The following IFT81 variants were observed in gnomAD, a reference collection of about 807,000 sequenced individuals.
IFT81 encodes intraflagellar transport protein 81 homolog.
Under a neutral mutation model 102.6 loss-of-function variants are expected in IFT81, and 72 were observed. That is an observed-to-expected ratio of 0.70 (90% CI 0.58 to 0.85). IFT81 has a LOEUF of 0.85. Ranked by LOEUF, IFT81 falls within the 40% of genes least tolerant of loss-of-function variation. IFT81 has a pLI of 0.00. For missense variants in IFT81, 723 were observed against 787.3 expected, an observed-to-expected ratio of 0.92 and a Z score of 0.98; for synonymous variants, 237 against 242.7, an observed-to-expected ratio of 0.98 and a Z score of 0.22.
intron 11 of IFT81, among the ~76,000 whole-genome samples, chr12:110,177,316 T>C (rs1020464842): frequency 1.4e-4 from 22 of 152,232 alleles, no homozygotes; most frequent in African/African-American, 5.3e-4. Flanking sequence ...AGAATCTCGC[T>C]CTGTCGCTCA....
chr12:110,173,372 T>C (rs1457745901), intron 11 of IFT81, among the ~76,000 whole-genome samples: 38 of 110,082 alleles, frequency 3.5e-4, no homozygotes, highest in Non-Finnish European at 4.9e-4. Flanking sequence ...GCCAGCCGCC[T>C]CGTCCGGGAG....
intron 14 of IFT81, among the ~76,000 whole-genome samples, chr12:110,202,034 G>A (rs2137578195): frequency 6.6e-6 from 1 of 152,224 alleles, no homozygotes; most frequent in Admixed American, 6.5e-5. Flanking sequence ...ACATAAACCA[G>A]TAACATAGTA....
At chr12:110,159,472 G>C (rs1011912165) in intron 10 of IFT81, among the ~76,000 whole-genome samples, 12 of 152,110 alleles carry the variant, frequency 7.9e-5, no homozygotes, top group African/African-American at 2.9e-4. Flanking sequence ...AAAAATCTCA[G>C]GTCTTTTCTG....
rs577662642 is a variant in IFT81, at chr12:110,132,992, A to G, written c.519+356A>G. Among the ~76,000 whole-genome samples the G allele has an allele frequency of 2.9e-5, 4 of 135,906 alleles. No individual in the cohort carries two copies. In the East Asian group the frequency reaches 6.3e-4, roughly 21 times the overall value. The allele number at this position is 135,906 out of a possible 152,430, so 89.2% of individuals were successfully genotyped here. ...TCTCTTTTTTTTTTTTTTTTTTGAG[A>G]CAGGGTCTCACTCTGTCATTCAGAC... On this transcript the variant is annotated intron_variant, in intron 5 of 18. Coordinates refer to ENST00000242591, the MANE Select transcript of IFT81 (RefSeq NM_014055.4).
intron 10 of IFT81, among the ~76,000 whole-genome samples, chr12:110,148,334 G>A (rs1895335766): frequency 6.6e-6 from 1 of 151,816 alleles, no homozygotes; most frequent in South Asian, 2.1e-4. Flanking sequence ...TTTCTAGGTG[G>A]TATTACATAC....
intron 14 of IFT81, among the ~76,000 whole-genome samples, chr12:110,194,149 T>C (rs951392117): frequency 1.3e-4 from 20 of 152,108 alleles, no homozygotes; most frequent in African/African-American, 4.6e-4. Context: ...TTCATGAGAA[T>C]TTCACCCCCA....
chr12:110,157,268 G>A (rs1005479305), intron 10 of IFT81, among the ~76,000 whole-genome samples: 2 of 152,136 alleles, frequency 1.3e-5, no homozygotes, highest in Admixed American at 1.3e-4. Context: ...AGAATTGCTT[G>A]AACCTGGGAG....
chr12:110,215,630 TA>T (rs1050184643), intron 18 of IFT81, among the ~76,000 whole-genome samples: 5 of 150,784 alleles, frequency 3.3e-5, no homozygotes, highest in South Asian at 2.1e-4. Context: ...CACAACTAAT[TA>T]AAAAAAAATT....
rs1555266475 is a variant in IFT81 at position 110,180,532 on chromosome 12, ACTT to A, written c.1303_1305del (p.Leu435del). The A allele has an allele frequency of 4.4e-6, 7 of 1,608,072 alleles. No homozygotes were observed. The highest frequency in any genetic ancestry group is 6.0e-6 in the Non-Finnish European group (7 of 1,175,640). On this transcript the variant is annotated inframe_deletion, in exon 12 of 19. Transcript: ENST00000242591. ...TCGGTCTTTTGCAGAGGACTGAAGAACTTCTTAAGCAACGTCATGAAAATATTC... is the reference window on the plus strand; with the variant it reads ...TCGGTCTTTTGCAGAGGACTGAAGAACTTAAGCAACGTCATGAAAATATTC...
At chr12:110,211,211 G>A (rs1417359917) in intron 18 of IFT81, among the ~76,000 whole-genome samples, 2 of 142,926 alleles carry the variant, frequency 1.4e-5, no homozygotes, top group African/African-American at 5.2e-5. Context: ...ATATATTAGG[G>A]AAGGGTCTCA....
rs376652803 is a variant in IFT81 at position 110,128,998 on chromosome 12, C to T, written c.297C>T (p.Tyr99=). The T allele has an allele frequency of 3.1e-6, 5 of 1,613,220 alleles. No individual in the cohort carries two copies. In the South Asian group the frequency reaches 3.3e-5, roughly 11 times the overall value. ...TGATTGGAAGTAAACCTGTAATTTACCCAGTGCTCCACTGGCTTCTTCAGA... is the reference window on the plus strand; with the variant it reads ...TGATTGGAAGTAAACCTGTAATTTATCCAGTGCTCCACTGGCTTCTTCAGA... ...GLVIGSKPVI[Y]PVLHWLLQRT... The change falls in exon 4 of 19, where the codon TAC becomes TAT. Residue 99 remains tyrosine, a synonymous_variant. Transcript: ENST00000242591.
intron 18 of IFT81, among the ~76,000 whole-genome samples, chr12:110,214,415 A>T (rs1869832947): frequency 6.6e-6 from 1 of 151,976 alleles, no homozygotes; most frequent in Admixed American, 6.6e-5. Context: ...GTAGATCTAA[A>T]TTTTCAAGGC....
At chr12:110,156,704 C>T (rs1895857959) in intron 10 of IFT81, among the ~76,000 whole-genome samples, 1 of 152,062 alleles carries the variant, frequency 6.6e-6, no homozygotes, top group Non-Finnish European at 1.5e-5. Flanking sequence ...GCCACGTTGG[C>T]CAGGCTGGTC....
intron 11 of IFT81, among the ~76,000 whole-genome samples, chr12:110,163,297 A>G (rs1042684530): frequency 2.0e-5 from 3 of 150,532 alleles, no homozygotes; most frequent in African/African-American, 4.9e-5. Context: ...CTGGGGTGCA[A>G]TGGCGGGATC....
At chr12:110,130,173 A>G (rs1382384334) in intron 4 of IFT81, among the ~76,000 whole-genome samples, 1 of 152,166 alleles carries the variant, frequency 6.6e-6, no homozygotes, top group Non-Finnish European at 1.5e-5. Context: ...GTATTTATGC[A>G]AATAATTATG....
intron 11 of IFT81, among the ~76,000 whole-genome samples, chr12:110,165,331 G>C (rs993556553): frequency 1.3e-5 from 2 of 152,102 alleles, no homozygotes; most frequent in Non-Finnish European, 2.9e-5. Context: ...AAGAGAAGAA[G>C]TTTCTTATAT....
intron 4 of IFT81, among the ~76,000 whole-genome samples, chr12:110,131,945 A>G (rs1348198281): frequency 6.6e-6 from 1 of 152,190 alleles, no homozygotes; most frequent in East Asian, 1.9e-4. Context: ...TATAAGCTGG[A>G]CGTGAGAGCA....
At chr12:110,160,489 A>T (rs1269348773) in intron 10 of IFT81, among the ~76,000 whole-genome samples, 2 of 152,202 alleles carry the variant, frequency 1.3e-5, no homozygotes, top group Non-Finnish European at 2.9e-5. Context: ...CTCAGCGAGC[A>T]AAGCTATCCC....
In IFT81 at chr12:110,218,127, A is replaced by C. The variant is rs570581301; in HGVS notation, c.1932A>C (p.Gln644His). Residue 644 changes from glutamine to histidine, a missense_variant, in exon 19 of 19, where the codon CAA becomes CAC. Coordinates refer to ENST00000242591, the MANE Select transcript of IFT81 (RefSeq NM_014055.4). ...KQAKMWRDLEQLMECKKQCFL... is the reference protein window; with the variant it reads ...KQAKMWRDLEHLMECKKQCFL... ...CAAAAATGTGGCGTGATTTGGAACA[A>C]TTAATGGAATGTAAGAAACAGTGCT... 6.2e-7 allele frequency: 1 copy of C among 1,601,906 alleles called. No homozygotes were observed. Among genetic ancestry groups the C allele is most frequent in the African/African-American group, 1.4e-5 (1 of 74,070 alleles).
Sources: gnomAD v4.1 joint callset for allele counts (sites outside exome capture counted in the v4.1 genomes callset) on GRCh38, gnomAD v4.1.1 for gene constraint, MANE v1.5 for transcripts, NCBI Gene and HGNC (gene_info 2026-07-23, HGNC 2026-07-21) for gene names.